The following GSK3B variants were observed in gnomAD, a reference collection of about 807,000 sequenced individuals.
GSK3B encodes the protein glycogen synthase kinase 3 beta, also known as glycogen synthase kinase-3 beta.
A neutral mutation model predicts 56.4 loss-of-function variants in GSK3B; 15 were observed. The ratio of observed to expected loss-of-function variants is 0.27; its 90% CI spans 0.18 to 0.41. The LOEUF is 0.41. Ranked by LOEUF, GSK3B falls within the 10% of genes least tolerant of loss-of-function variation. The pLI is 1.00. For synonymous variants in GSK3B, 181 were observed against 188.9 expected (o/e 0.96, Z 0.34); for missense variants, 300 against 513.4 (o/e 0.58, Z 4.02).
In GSK3B at chr3:119,923,499, TA is replaced by T. The variant is rs780534951; in HGVS notation, c.367-17del. 6 of 1,348,884 alleles carry T rather than the reference TA, an allele frequency of 4.4e-6. No individual in the cohort carries two copies. The Middle Eastern group carries it at 7.9e-4, about 177-fold the overall frequency. The allele number at this position is 1,348,884 out of a possible 1,614,324, so 83.6% of individuals were successfully genotyped here. ...CCTCATCTTTCTGAAAGAGTTTATT[TA>T]AAAAAACAAAAAACAAAACAGATTA... is the stretch of plus-strand genomic sequence containing the variant. On this transcript the variant is annotated splice_polypyrimidine_tract_variant and intron_variant, in intron 3 of 10. Transcript: ENST00000264235.
chr3:120,073,781 C>T (rs1334072049), intron 1 of GSK3B, among the ~76,000 whole-genome samples: 2 of 152,088 alleles, frequency 1.3e-5, no homozygotes, highest in African/African-American at 4.8e-5. Context: ...CGTCAGTTTC[C>T]TCATTTATAA....
At chr3:120,025,771 G>A (rs1220408454) in intron 1 of GSK3B, among the ~76,000 whole-genome samples, 1 of 152,158 alleles carries the variant, frequency 6.6e-6, no homozygotes, top group Middle Eastern at 3.2e-3. Context: ...AAGGCAGGTT[G>A]GGGGACACAT....
intron 2 of GSK3B, among the ~76,000 whole-genome samples, chr3:119,998,207 C>A (rs1002140258): frequency 6.6e-6 from 1 of 152,162 alleles, no homozygotes; most frequent in Admixed American, 6.5e-5. Context: ...GTATTCACAC[C>A]CTTGTTTAAT....
chr3:119,990,229 T>G (rs1470942476), intron 2 of GSK3B, among the ~76,000 whole-genome samples: 1 of 151,922 alleles, frequency 6.6e-6, no homozygotes, highest in African/African-American at 2.4e-5. Flanking sequence ...GCCGGAAAGA[T>G]GTCTGCCCCA....
intron 3 of GSK3B, among the ~76,000 whole-genome samples, chr3:119,935,477 A>G (rs1423717858): frequency 1.3e-5 from 2 of 152,158 alleles, no homozygotes; most frequent in Non-Finnish European, 2.9e-5. Flanking sequence ...CTAATCATAT[A>G]TGAACCCACT....
intron 10 of GSK3B, among the ~76,000 whole-genome samples, chr3:119,836,106 A>T (rs1298401678): frequency 1.3e-5 from 2 of 152,220 alleles, no homozygotes; most frequent in Non-Finnish European, 2.9e-5. Flanking sequence ...GCCATAGCAA[A>T]ATCTGAACGA....
intron 1 of GSK3B, among the ~76,000 whole-genome samples, chr3:120,021,962 GAAGT>G (rs1294230590): frequency 6.6e-6 from 1 of 152,214 alleles, no homozygotes; most frequent in Admixed American, 6.5e-5. Flanking sequence ...TCAGGAGGCA[GAAGT>G]AAGATGATCA....
chr3:120,002,846 G>A (rs1307304192), intron 1 of GSK3B, among the ~76,000 whole-genome samples: 1 of 152,112 alleles, frequency 6.6e-6, no homozygotes, highest in Non-Finnish European at 1.5e-5. Flanking sequence ...TTTGCCCATG[G>A]TCAAATAGCA....
At chr3:120,010,816 C>T (rs1209913857) in intron 1 of GSK3B, among the ~76,000 whole-genome samples, 1 of 152,106 alleles carries the variant, frequency 6.6e-6, no homozygotes, top group African/African-American at 2.4e-5. Flanking sequence ...ACCTGTAATC[C>T]CAGCACTTTG....
chr3:120,009,538 T>G (rs1048178876), intron 1 of GSK3B, among the ~76,000 whole-genome samples: 7 of 152,292 alleles, frequency 4.6e-5, no homozygotes, highest in African/African-American at 1.2e-4. Flanking sequence ...TGCAGGGACA[T>G]GGATGAAGCT....
At chr3:119,929,701 G>A (rs532130203) in intron 3 of GSK3B, among the ~76,000 whole-genome samples, 43 of 151,842 alleles carry the variant, frequency 2.8e-4, no homozygotes, top group African/African-American at 8.7e-4. Flanking sequence ...TCTGGAGTTC[G>A]AGACCAGCCT....
chr3:119,904,965 T>A (rs2056667877), intron 7 of GSK3B, among the ~76,000 whole-genome samples: 1 of 151,612 alleles, frequency 6.6e-6, no homozygotes, highest in African/African-American at 2.4e-5. Context: ...TAGGTTTTTT[T>A]TTTTTTTTTA....
intron 2 of GSK3B, among the ~76,000 whole-genome samples, chr3:119,953,229 G>T (rs763539060): frequency 2.6e-5 from 4 of 151,954 alleles, no homozygotes; most frequent in Admixed American, 2.6e-4. Context: ...GACTTAAGAC[G>T]ATACACTAAA....
chr3:119,840,990 G>T (rs2055763406), intron 10 of GSK3B, among the ~76,000 whole-genome samples: 1 of 152,078 alleles, frequency 6.6e-6, no homozygotes, highest in South Asian at 2.1e-4. Context: ...ATTTACTTTA[G>T]CTCAGACCAA....
intron 9 of GSK3B, among the ~76,000 whole-genome samples, chr3:119,861,505 C>T (rs1219242405): frequency 2.1e-5 from 3 of 146,088 alleles, no homozygotes; most frequent in African/African-American, 5.1e-5. Flanking sequence ...AGTGAGACTC[C>T]GTCTCAAAAA....
chr3:120,039,166 G>A (rs887034147), intron 1 of GSK3B, among the ~76,000 whole-genome samples: 4 of 152,180 alleles, frequency 2.6e-5, no homozygotes, highest in African/African-American at 9.7e-5. Context: ...GGAACAGAAT[G>A]GCTAAAATCC....
chr3:120,082,385 CTTTTTTT>C (rs1173737285), intron 1 of GSK3B, among the ~76,000 whole-genome samples: 17 of 66,394 alleles, frequency 2.6e-4, no homozygotes, highest in East Asian at 2.1e-3. Flanking sequence ...TTAGTATGTT[CTTTTTTT>C]TTTTTTTTTT....
At chr3:120,010,952 C>A (rs2107497525) in intron 1 of GSK3B, among the ~76,000 whole-genome samples, 1 of 152,196 alleles carries the variant, frequency 6.6e-6, no homozygotes, top group South Asian at 2.1e-4. Context: ...CATGTAATCC[C>A]AGCTACAAGG....
chr3:119,851,035 G>C (rs1173032758), intron 9 of GSK3B, among the ~76,000 whole-genome samples: 2 of 152,112 alleles, frequency 1.3e-5, no homozygotes, highest in East Asian at 3.8e-4. Context: ...AATTTCTTCA[G>C]CCAACTGAAG....
Sources: gnomAD v4.1 joint callset for allele counts (sites outside exome capture counted in the v4.1 genomes callset) on GRCh38, gnomAD v4.1.1 for gene constraint, MANE v1.5 for transcripts, NCBI Gene and HGNC (gene_info 2026-07-23, HGNC 2026-07-21) for gene names.